Variants in PDE6A observed in about 807,000 individuals in gnomAD.
PDE6A encodes the protein phosphodiesterase 6A, also known as rod cGMP-specific 3',5'-cyclic phosphodiesterase subunit alpha.
Under a neutral mutation model 106.3 loss-of-function variants are expected in PDE6A, and 84 were observed. The observed-to-expected ratio is 0.79, with a 90% CI of 0.66 to 0.95. PDE6A has a LOEUF of 0.95. PDE6A is among the 40% of genes least tolerant of loss of function. The probability of loss-of-function intolerance (pLI) is 0.00; values close to 1 mark genes in which losing one functional copy is unlikely to be tolerated. For missense variants in PDE6A, 1,052 were observed against 1,084.9 expected (o/e 0.97, Z 0.43); for synonymous variants, 394 against 386.6 (o/e 1.02, Z -0.23).
In PDE6A at chr5:149,933,915, G is replaced by T; in HGVS notation, c.717+15C>A. 1 of 1,597,366 alleles carries T rather than the reference G, an allele frequency of 6.3e-7. No homozygotes were observed. The highest frequency in any genetic ancestry group is 8.6e-7 in the Non-Finnish European group (1 of 1,165,520). ...AGGACGAGTCAAGTCCATTCCCTTG[G>T]CCCAAGCCCCTTACCTGGCCACGTC... On this transcript the variant is annotated intron_variant, in intron 3 of 21. Transcript: ENST00000255266.
At position 149,863,208 on chromosome 5, in the gene PDE6A, C is replaced by T. The variant is rs145718445; in HGVS notation, c.2417G>A (p.Arg806His). The stretch of plus-strand genomic sequence containing the variant: ...ATCAGCAAGCGCCTTCCACTCCTTG[C>T]GATTGTTGGTGATCCCGTCCAACAT... ...TPMLDGITNN[R>H]KEWKALADEY... The change falls in exon 21 of 22, where the codon CGC becomes CAC. Residue 806 changes from arginine (R) to histidine (H), a missense_variant. Around this residue, in one of 3 missense-constraint regions of PDE6A, gnomAD observed 135 missense variants for 153.2 expected, o/e 0.88. Transcript: ENST00000255266. The surrounding 1 kb of genome is among the most constrained non-coding windows in gnomAD (Gnocchi z 4.7). 149 of 1,614,138 alleles carry T rather than the reference C, an allele frequency of 9.2e-5. 2 individuals are homozygous for T. The South Asian group carries it at 1.4e-3, about 16-fold the overall frequency.
intron 3 of PDE6A, among the ~76,000 whole-genome samples, chr5:149,933,562 G>A (rs988575321): frequency 2.6e-5 from 4 of 152,184 alleles, no homozygotes; most frequent in Non-Finnish European, 4.4e-5. Flanking sequence ...CTTCAATTGA[G>A]CACTATTGCC....
intron 6 of PDE6A, among the ~76,000 whole-genome samples, chr5:149,909,097 G>T (rs998070873): frequency 5.3e-5 from 8 of 151,894 alleles, no homozygotes; most frequent in African/African-American, 1.9e-4. Flanking sequence ...CTGGCTTTAA[G>T]CAATCCTCCC....
chr5:149,930,995 T>C (rs1561782071), intron 4 of PDE6A, 33 bp downstream of exon 4: 2 of 1,611,060 alleles, frequency 1.2e-6, no homozygotes, highest in Non-Finnish European at 1.7e-6. Flanking sequence ...TTTAATCTTT[T>C]CTTGGAAATG....
In PDE6A at chr5:149,896,421, C is replaced by A. The variant is rs1449441106; in HGVS notation, c.1555G>T (p.Val519Leu). Residue 519 changes from valine (V) to leucine (L), a missense_variant, in exon 12 of 22, where the codon GTA (valine) becomes TTA (leucine). Coordinates refer to ENST00000255266, the MANE Select transcript of PDE6A (RefSeq NM_000440.3). ...SDLPLTELEL[V>L]KCGIQMYYEL... ...TAATACATCTGTATTCCACATTTTA[C>A]CAGCTCCAGTTCTGTTAGGGGTAAG... 6.2e-7 allele frequency: 1 copy of A among 1,614,128 alleles called. No homozygotes were observed. Among genetic ancestry groups the A allele is most frequent in the South Asian group, 1.1e-5 (1 of 91,076 alleles).
intron 13 of PDE6A, among the ~76,000 whole-genome samples, chr5:149,893,620 C>G (rs1752626278): frequency 6.6e-6 from 1 of 152,092 alleles, no homozygotes; most frequent in South Asian, 2.1e-4. Flanking sequence ...GGTTTCTTTC[C>G]ACTAAATATG....
chr5:149,923,663 A>C (rs1309833637), intron 4 of PDE6A, among the ~76,000 whole-genome samples: 1 of 152,218 alleles, frequency 6.6e-6, no homozygotes, highest in Non-Finnish European at 1.5e-5. Flanking sequence ...ACAGTCATGC[A>C]GCCTCAGGAG....
chr5:149,895,795 G>GGA lies in PDE6A; in HGVS notation c.1621-507_1621-506dup, dbSNP rs146467632. Reference sequence around the variant, plus strand: ...TGTGTGTGAGAGAGAGAGAGAAAGAGGAGAGAGAGAGAGAGAAAAAGAAGA... The same window carrying GGA: ...TGTGTGTGAGAGAGAGAGAGAAAGAGGAGAGAGAGAGAGAGAGAAAAAGAAGA... On this transcript the variant is annotated intron_variant, in intron 12 of 21. Transcript: ENST00000255266. Among the ~76,000 whole-genome samples, 1,297 of 151,604 alleles carry GGA rather than the reference G, an allele frequency of 8.6e-3. 17 individuals carry two copies. The highest frequency in any genetic ancestry group is 0.029 in the African/African-American group (1,205 of 41,326).
chr5:149,921,785 T>G (rs1428743968), intron 4 of PDE6A, 76 bp from the exon 5 acceptor site: 1 of 1,128,082 alleles, frequency 8.9e-7, no homozygotes, highest in East Asian at 2.4e-5. Flanking sequence ...CCCACCTCCA[T>G]GAGTCAGCTA....
intron 13 of PDE6A, among the ~76,000 whole-genome samples, chr5:149,889,531 C>T (rs1312373373): frequency 6.6e-6 from 1 of 152,104 alleles, no homozygotes; most frequent in Admixed American, 6.5e-5. Flanking sequence ...CGGTTTGGAC[C>T]TCCTGGGCTC....
intron 13 of PDE6A, among the ~76,000 whole-genome samples, chr5:149,891,374 G>A (rs1348313582): frequency 3.3e-5 from 5 of 152,112 alleles, no homozygotes; most frequent in African/African-American, 1.2e-4. Flanking sequence ...GGAGGCTGAG[G>A]CAGAAGAATC....
chr5:149,887,790 G>T (rs1752370103), intron 13 of PDE6A, among the ~76,000 whole-genome samples: 1 of 151,496 alleles, frequency 6.6e-6, no homozygotes, highest in South Asian at 2.1e-4. Flanking sequence ...CTCATCATGA[G>T]AACATCTTAT....
At chr5:149,901,269 C>T (rs755671988) in intron 8 of PDE6A, among the ~76,000 whole-genome samples, 11 of 152,140 alleles carry the variant, frequency 7.2e-5, no homozygotes, top group Admixed American at 1.3e-4. Context: ...TGGCTCACGC[C>T]TGTAATCCCA....
intron 5 of PDE6A, among the ~76,000 whole-genome samples, chr5:149,918,434 G>C (rs574916514): frequency 1.3e-5 from 2 of 152,300 alleles, no homozygotes; most frequent in Non-Finnish European, 2.9e-5. Context: ...TGGATATCTG[G>C]ATATACCTAA....
At chr5:149,882,194 G>A (rs1015108048) in intron 17 of PDE6A, among the ~76,000 whole-genome samples, 1 of 151,966 alleles carries the variant, frequency 6.6e-6, no homozygotes, top group Non-Finnish European at 1.5e-5. Context: ...CAGAATCAGG[G>A]GACCTTTGTG....
intron 13 of PDE6A, 35 bp from the exon 14 acceptor site, chr5:149,886,409 T>C: frequency 2.0e-6 from 3 of 1,515,364 alleles, no homozygotes; most frequent in Non-Finnish European, 2.8e-6. Flanking sequence ...TCATTCCTTT[T>C]GTGTAGGGGC....
intron 5 of PDE6A, among the ~76,000 whole-genome samples, chr5:149,921,154 T>C (rs1753706954): frequency 6.6e-6 from 1 of 152,188 alleles, no homozygotes; most frequent in Non-Finnish European, 1.5e-5. Flanking sequence ...AAGCCTTGAG[T>C]AGGTTGCTTG....
At chr5:149,914,589 C>T (rs1423764532) in intron 6 of PDE6A, among the ~76,000 whole-genome samples, 1 of 151,240 alleles carries the variant, frequency 6.6e-6, no homozygotes, top group East Asian at 1.9e-4. Flanking sequence ...CGCCAATTTC[C>T]CAAAAAGTCC....
At chr5:149,905,740 C>T (rs1387026668) in intron 7 of PDE6A, among the ~76,000 whole-genome samples, 1 of 152,238 alleles carries the variant, frequency 6.6e-6, no homozygotes, top group Non-Finnish European at 1.5e-5. Flanking sequence ...TTTACCCCAC[C>T]TGTCTTTGCT....
Sources: allele counts gnomAD v4.1 joint callset (sites outside exome capture counted in the v4.1 genomes callset), GRCh38; gene constraint gnomAD v4.1.1; regional missense constraint gnomAD v4.1.1; non-coding constraint Gnocchi (gnomAD v3.1); transcripts MANE v1.5; gene names NCBI Gene and HGNC (gene_info 2026-07-23, HGNC 2026-07-21).